The following DAGLA variants were observed in gnomAD, a reference collection of about 807,000 sequenced individuals.
DAGLA encodes the protein diacylglycerol lipase alpha.
Under a neutral mutation model 102.6 loss-of-function variants are expected in DAGLA, and 22 were observed. The observed-to-expected ratio is 0.21, with a 90% CI of 0.15 to 0.31. DAGLA has a LOEUF of 0.31. DAGLA is among the 10% of genes least tolerant of loss of function. The pLI is 1.00. For missense variants in DAGLA, 927 were observed against 1,446.6 expected, an observed-to-expected ratio of 0.64 and a Z score of 5.83; for synonymous variants, 578 against 628.9, an observed-to-expected ratio of 0.92 and a Z score of 1.21.
In DAGLA at chr11:61,734,013, G is replaced by C. The variant is rs752875429; in HGVS notation, c.975-836G>C. On this transcript the variant is annotated intron_variant, in intron 9 of 19. Coordinates refer to ENST00000257215, the MANE Select transcript of DAGLA (RefSeq NM_006133.3). This position sits in a 1 kb window ranked among gnomAD's most constrained non-coding sequence, Gnocchi z 4.2. The stretch of plus-strand genomic sequence containing the variant: ...CAGGTCAGAGAGACCAGAGCCAGGT[G>C]GGGTAGACAGGGCGTTGCTGTAGGG... Among the ~76,000 whole-genome samples, 1 of 152,184 alleles carries C rather than the reference G, an allele frequency of 6.6e-6. No homozygotes were observed. Among genetic ancestry groups the C allele is most frequent in the East Asian group, 1.9e-4 (1 of 5,188 alleles).
chr11:61,718,957 C>G (rs574538160), intron 1 of DAGLA, among the ~76,000 whole-genome samples: 5 of 152,094 alleles, frequency 3.3e-5, no homozygotes. Flanking sequence ...TCCCTGGAGC[C>G]GCCACTGGGG....
intron 1 of DAGLA, 52 bp from the exon 2 acceptor site, chr11:61,720,060 C>T (rs2065268896): frequency 1.5e-6 from 2 of 1,292,302 alleles, no homozygotes; most frequent in Non-Finnish European, 2.2e-6. Flanking sequence ...TGCAGTGGCC[C>T]TGGGTGCCTT....
chr11:61,714,980 G>C (rs2065225041), intron 1 of DAGLA, among the ~76,000 whole-genome samples: 1 of 152,164 alleles, frequency 6.6e-6, no homozygotes, highest in South Asian at 2.1e-4. Flanking sequence ...TTGAAGTGTT[G>C]ACTGATTTAA....
chr11:61,737,938 C>T (rs2065439296), intron 15 of DAGLA, among the ~76,000 whole-genome samples, 183 bp downstream of exon 15: 1 of 152,104 alleles, frequency 6.6e-6, no homozygotes, highest in East Asian at 1.9e-4. Context: ...GTGCTGGCGC[C>T]CGCCCTGCCT....
chr11:61,724,920 C>T (rs1019158266), intron 5 of DAGLA, among the ~76,000 whole-genome samples: 20 of 152,106 alleles, frequency 1.3e-4, no homozygotes, highest in Admixed American at 4.6e-4. Flanking sequence ...CCTCCCGTAG[C>T]CCTGGAAGAC....
At chr11:61,695,940 A>C (rs1565247729) in intron 1 of DAGLA, among the ~76,000 whole-genome samples, 1 of 152,150 alleles carries the variant, frequency 6.6e-6, no homozygotes, top group Non-Finnish European at 1.5e-5. Flanking sequence ...GCCAGAGCCC[A>C]GGGGCTGTGG....
chr11:61,738,255 C>T (rs1422343989), intron 16 of DAGLA, 48 bp downstream of exon 16: 1 of 1,496,070 alleles, frequency 6.7e-7, no homozygotes, highest in Non-Finnish European at 9.2e-7. Flanking sequence ...TCATCTGTCC[C>T]TGCCCTTGAC....
chr11:61,696,867 GC>G (rs1381024011), intron 1 of DAGLA, among the ~76,000 whole-genome samples: 2 of 152,028 alleles, frequency 1.3e-5, no homozygotes, highest in African/African-American at 2.4e-5. Context: ...TTGTGAGCTG[GC>G]CTGTGGGGGC....
chr11:61,737,146 T>C lies in DAGLA; in HGVS notation c.1372-36T>C, dbSNP rs369995973. On this transcript the variant is annotated intron_variant, in intron 13 of 19. Transcript: ENST00000257215. ...GGCTAAGACAGTCGCTTGGCGGGCATTGGGGCAGGGCTCTCAGGCTTCTCT... is the reference window on the plus strand; with the variant it reads ...GGCTAAGACAGTCGCTTGGCGGGCACTGGGGCAGGGCTCTCAGGCTTCTCT... 3.5e-5 allele frequency: 57 copies of C among 1,612,116 alleles called. No individual in the cohort carries two copies. The African/African-American group carries it at 6.0e-4, about 17-fold the overall frequency.
chr11:61,732,890 G>C (rs1332535719), intron 9 of DAGLA, among the ~76,000 whole-genome samples: 1 of 152,116 alleles, frequency 6.6e-6, no homozygotes, highest in Non-Finnish European at 1.5e-5. Context: ...AGAGCACAGC[G>C]AGCCAGGCCT....
intron 1 of DAGLA, among the ~76,000 whole-genome samples, chr11:61,700,449 C>T (rs549054892): frequency 1.9e-4 from 29 of 151,910 alleles, no homozygotes; most frequent in South Asian, 1.5e-3. Flanking sequence ...GCCCTGGAGG[C>T]GGAAGCCCTG....
chr11:61,735,918 A>C (rs2065419268), intron 12 of DAGLA, 102 bp downstream of exon 12: 2 of 1,128,934 alleles, frequency 1.8e-6, no homozygotes, highest in African/African-American at 1.6e-5. Flanking sequence ...CGCTGGGCTC[A>C]CTGGAAGAGA....
chr11:61,706,080 CA>C (rs1307411558), intron 1 of DAGLA, among the ~76,000 whole-genome samples: 4 of 152,238 alleles, frequency 2.6e-5, no homozygotes, highest in Non-Finnish European at 5.9e-5. Context: ...CTCATCTGAG[CA>C]ACTGCAGAAC....
chr11:61,700,110 G>GGGAAGC (rs1397629928), intron 1 of DAGLA, among the ~76,000 whole-genome samples: 1 of 152,228 alleles, frequency 6.6e-6, no homozygotes, highest in African/African-American at 2.4e-5. Flanking sequence ...TGGCGTGCCA[G>GGGAAGC]GGCAGCGGCA....
rs1470835662 is a variant in DAGLA at position 61,701,428 on chromosome 11, G to C, written c.-44-18684G>C. On this transcript the variant is annotated intron_variant, in intron 1 of 19. Coordinates refer to ENST00000257215, the MANE Select transcript of DAGLA (RefSeq NM_006133.3). ...CTAGGTAGGGAAGCTGCCGAGGCTC[G>C]GGCATGTCTCAGGCACCTGCTGTCT... Among the ~76,000 whole-genome samples the C allele has an allele frequency of 2.6e-5, 4 of 152,178 alleles. No homozygotes were observed. In the East Asian group the frequency reaches 7.7e-4, roughly 29 times the overall value.
At chr11:61,718,283 G>A (rs921010266) in intron 1 of DAGLA, among the ~76,000 whole-genome samples, 10 of 151,766 alleles carry the variant, frequency 6.6e-5, no homozygotes, top group Non-Finnish European at 7.4e-5. Context: ...CTGCGGGGGC[G>A]TACTGCCCCC....
chr11:61,695,566 C>T (rs992302200), intron 1 of DAGLA, among the ~76,000 whole-genome samples: 1 of 152,210 alleles, frequency 6.6e-6, no homozygotes, highest in Admixed American at 6.5e-5. Flanking sequence ...CCACCCCGCT[C>T]CAGCCAACTG....
At chr11:61,728,816 T>C in intron 7 of DAGLA, 115 bp from the exon 8 acceptor site, 1 of 838,514 alleles carries the variant, frequency 1.2e-6, no homozygotes, top group Non-Finnish European at 2.0e-6. Flanking sequence ...TGCATGCTCG[T>C]TTGGGCTTCT....
chr11:61,706,031 G>T (rs1016870615), intron 1 of DAGLA, among the ~76,000 whole-genome samples: 21 of 152,258 alleles, frequency 1.4e-4, no homozygotes, highest in Admixed American at 1.1e-3. Flanking sequence ...GGCTCACTCA[G>T]AAGCGTGCTA....
Sources: gnomAD v4.1 joint callset for allele counts (sites outside exome capture counted in the v4.1 genomes callset) on GRCh38, gnomAD v4.1.1 for gene constraint, Gnocchi (gnomAD v3.1) non-coding constraint, MANE v1.5 for transcripts, NCBI Gene and HGNC (gene_info 2026-07-23, HGNC 2026-07-21) for gene names.